PPP2R2B: variants seen among roughly 807,000 people sequenced by gnomAD.
PPP2R2B encodes serine/threonine-protein phosphatase 2A 55 kDa regulatory subunit B beta isoform.
A neutral mutation model predicts 46.0 loss-of-function variants in PPP2R2B; 5 were observed. The observed-to-expected ratio is 0.11, with a 90% CI of 0.06 to 0.23. PPP2R2B has a LOEUF of 0.23. Ranked by LOEUF, PPP2R2B falls within the 10% of genes least tolerant of loss-of-function variation. The pLI is 1.00. For synonymous variants in PPP2R2B, 215 were observed against 206.7 expected (o/e 1.04, Z -0.34); for missense variants, 367 against 575.0 (o/e 0.64, Z 3.70).
chr5:146,911,263 T>C (rs376582360), intron 1 of PPP2R2B, among the ~76,000 whole-genome samples: 21 of 152,186 alleles, frequency 1.4e-4, no homozygotes, highest in African/African-American at 4.8e-4. Context: ...TTTGTATTTT[T>C]AGTAGAGACG....
chr5:146,592,048 C>A (rs1458794119), intron 9 of PPP2R2B: 3 of 410,190 alleles, frequency 7.3e-6, no homozygotes, highest in African/African-American at 2.1e-5. Flanking sequence ...TAAATAAATA[C>A]CTATAAATAA....
chr5:146,706,254 T>C, intron 2 of PPP2R2B: 1 of 479,132 alleles, frequency 2.1e-6, no homozygotes, highest in Non-Finnish European at 3.9e-6. Flanking sequence ...TCTCGGGTCT[T>C]GATCTTCTTC....
At chr5:146,746,580 C>T (rs768201538) in intron 2 of PPP2R2B, among the ~76,000 whole-genome samples, 1 of 152,182 alleles carries the variant, frequency 6.6e-6, no homozygotes, top group Non-Finnish European at 1.5e-5. Flanking sequence ...TCCAGGACGA[C>T]TCTGTCTGCT....
chr5:147,079,418 CAA>C (rs1757900300), intron 2 of PPP2R2B, among the ~76,000 whole-genome samples: 1 of 127,536 alleles, frequency 7.8e-6, no homozygotes, highest in African/African-American at 2.9e-5. Flanking sequence ...AATATACACA[CAA>C]ACACACACAC....
At chr5:146,829,896 G>C (rs920797215) in intron 2 of PPP2R2B, among the ~76,000 whole-genome samples, 1 of 152,110 alleles carries the variant, frequency 6.6e-6, no homozygotes, top group Non-Finnish European at 1.5e-5. Flanking sequence ...CACACTCATT[G>C]TGTTTCATGT....
intron 2 of PPP2R2B, among the ~76,000 whole-genome samples, chr5:146,769,035 G>C (rs1395452770): frequency 6.6e-6 from 1 of 151,978 alleles, no homozygotes; most frequent in Non-Finnish European, 1.5e-5. Flanking sequence ...GTGCCACCAT[G>C]CCTGGCTAAT....
intron 2 of PPP2R2B, among the ~76,000 whole-genome samples, chr5:146,827,760 T>C (rs1314336612): frequency 2.0e-5 from 3 of 152,192 alleles, no homozygotes; most frequent in Admixed American, 1.3e-4. Flanking sequence ...TGCTCTGATA[T>C]TACTGAGGGT....
At chr5:146,684,893 C>A (rs1458354842) in intron 5 of PPP2R2B, among the ~76,000 whole-genome samples, 1 of 152,104 alleles carries the variant, frequency 6.6e-6, no homozygotes, top group East Asian at 1.9e-4. Flanking sequence ...TCCCTAGTGA[C>A]GAGGCCAGAA....
At chr5:146,875,599 A>G (rs568778568) in intron 2 of PPP2R2B, among the ~76,000 whole-genome samples, 2 of 152,216 alleles carry the variant, frequency 1.3e-5, no homozygotes, top group African/African-American at 4.8e-5. Context: ...CAGAAGAAAA[A>G]TTCAGAAATA....
At chr5:147,019,430 T>G (rs1269766756) in intron 1 of PPP2R2B, among the ~76,000 whole-genome samples, 9 of 152,158 alleles carry the variant, frequency 5.9e-5, no homozygotes, top group Admixed American at 5.9e-4. Flanking sequence ...AAAATATGTT[T>G]GGAGTGGAAT....
intron 3 of PPP2R2B, among the ~76,000 whole-genome samples, chr5:146,700,566 A>G (rs1779471822): frequency 6.6e-6 from 1 of 152,084 alleles, no homozygotes; most frequent in Non-Finnish European, 1.5e-5. Context: ...CTCAGACGCT[A>G]GTTTGTGGCC....
At chr5:146,724,974 T>G (rs1751768624) in intron 2 of PPP2R2B, among the ~76,000 whole-genome samples, 1 of 152,188 alleles carries the variant, frequency 6.6e-6, no homozygotes, top group South Asian at 2.1e-4. Flanking sequence ...GAACAAGTTC[T>G]CAGTGTGTTT....
intron 2 of PPP2R2B, among the ~76,000 whole-genome samples, chr5:146,711,756 A>G (rs1463294787): frequency 1.3e-5 from 2 of 152,224 alleles, no homozygotes; most frequent in African/African-American, 4.8e-5. Flanking sequence ...CACTACTGGT[A>G]CTTGCCCTTG....
At chr5:147,046,585 C>T (rs1001502398) in intron 1 of PPP2R2B, among the ~76,000 whole-genome samples, 1 of 151,986 alleles carries the variant, frequency 6.6e-6, no homozygotes, top group Non-Finnish European at 1.5e-5. Flanking sequence ...GAACCAAAGA[C>T]AAAAAATAGA....
chr5:146,702,800 C>G (rs1779617862), intron 2 of PPP2R2B, among the ~76,000 whole-genome samples: 1 of 152,170 alleles, frequency 6.6e-6, no homozygotes, highest in East Asian at 1.9e-4. Context: ...CTATCTCATT[C>G]CAATACTGAT....
chr5:146,703,520 C>T (rs964804174), intron 2 of PPP2R2B, among the ~76,000 whole-genome samples: 12 of 152,106 alleles, frequency 7.9e-5, no homozygotes, highest in Non-Finnish European at 1.8e-4. Flanking sequence ...TAAAGATGGG[C>T]CTTTCCTTTT....
chr5:146,753,867 A>AG (rs960486061), intron 2 of PPP2R2B, among the ~76,000 whole-genome samples: 1 of 152,108 alleles, frequency 6.6e-6, no homozygotes, highest in African/African-American at 2.4e-5. Context: ...CTGAATCTCC[A>AG]GGGGCAACTT....
At chr5:146,989,311 T>C (rs1485104840) in intron 1 of PPP2R2B, among the ~76,000 whole-genome samples, 1 of 151,902 alleles carries the variant, frequency 6.6e-6, no homozygotes, top group Non-Finnish European at 1.5e-5. Flanking sequence ...GAAAACTACA[T>C]ACCAATATCT....
chr5:146,783,912 G>C (rs1755685778), intron 2 of PPP2R2B, among the ~76,000 whole-genome samples: 1 of 152,192 alleles, frequency 6.6e-6, no homozygotes, highest in African/African-American at 2.4e-5. Context: ...TATCACATTA[G>C]AATATCAAGG....
Sources: gnomAD v4.1 joint callset for allele counts (sites outside exome capture counted in the v4.1 genomes callset) on GRCh38, gnomAD v4.1.1 for gene constraint, MANE v1.5 for transcripts, NCBI Gene and HGNC (gene_info 2026-07-23, HGNC 2026-07-21) for gene names.